EXT1: variants seen among roughly 807,000 people sequenced by gnomAD.
EXT1 encodes exostosin glycosyltransferase 1.
EXT1 carries 20 observed loss-of-function variants against 82.5 expected under a neutral mutation model. The observed-to-expected ratio is 0.24, with a 90% confidence interval of 0.17 to 0.35. EXT1 has a LOEUF of 0.35. Ranked by LOEUF, EXT1 falls within the 10% of genes least tolerant of loss-of-function variation. The probability of loss-of-function intolerance (pLI) is 1.00; values close to 1 mark genes in which losing one functional copy is unlikely to be tolerated. For missense variants in EXT1, 757 were observed against 936.5 expected (o/e 0.81, Z 2.50); for synonymous variants, 348 against 350.8 (o/e 0.99, Z 0.09).
intron 1 of EXT1, among the ~76,000 whole-genome samples, chr8:118,082,516 G>A (rs564429998): frequency 1.3e-4 from 20 of 151,932 alleles, no homozygotes; most frequent in South Asian, 6.2e-4. Flanking sequence ...ATACTAATAC[G>A]AATAAACCTC....
intron 1 of EXT1, among the ~76,000 whole-genome samples, chr8:118,108,546 A>G (rs1462193515): frequency 2.6e-5 from 4 of 152,258 alleles, no homozygotes; most frequent in Admixed American, 2.6e-4. Context: ...TTGCAACTGC[A>G]CATTCATACA....
intron 1 of EXT1, among the ~76,000 whole-genome samples, chr8:117,991,327 T>A (rs190715153): frequency 3.9e-5 from 6 of 152,180 alleles, no homozygotes. Flanking sequence ...CTGCAAGCAG[T>A]TGTGGTTTTC....
At chr8:117,955,531 G>A (rs1357780323) in intron 1 of EXT1, among the ~76,000 whole-genome samples, 1 of 152,010 alleles carries the variant, frequency 6.6e-6, no homozygotes, top group Non-Finnish European at 1.5e-5. Context: ...GAAATTACAA[G>A]GGTTTTAGCA....
intron 1 of EXT1, among the ~76,000 whole-genome samples, chr8:117,942,314 T>G (rs898038675): frequency 2.6e-5 from 4 of 152,194 alleles, no homozygotes; most frequent in Non-Finnish European, 5.9e-5. Context: ...CCTCTGGGTT[T>G]CTTCCTTATG....
At chr8:117,829,794 C>A (rs912951606) in intron 4 of EXT1, among the ~76,000 whole-genome samples, 4 of 151,980 alleles carry the variant, frequency 2.6e-5, no homozygotes, top group Admixed American at 1.3e-4. Flanking sequence ...AGGTCTTGAA[C>A]TCCTGAACTC....
chr8:118,064,337 C>A (rs902576923), intron 1 of EXT1, among the ~76,000 whole-genome samples: 1 of 152,096 alleles, frequency 6.6e-6, no homozygotes. Context: ...CTAGCTCCCA[C>A]CCCTTGACAG....
At chr8:117,906,981 T>C (rs1223955776) in intron 1 of EXT1, among the ~76,000 whole-genome samples, 1 of 152,258 alleles carries the variant, frequency 6.6e-6, no homozygotes, top group East Asian at 1.9e-4. Flanking sequence ...AAGGAACAGT[T>C]TGCTGTAGCA....
At chr8:117,865,261 G>A (rs758057806) in intron 1 of EXT1, among the ~76,000 whole-genome samples, 6 of 152,118 alleles carry the variant, frequency 3.9e-5, no homozygotes, top group African/African-American at 7.2e-5. Flanking sequence ...TTGACCTCCC[G>A]GTCTCAAGCA....
intron 1 of EXT1, among the ~76,000 whole-genome samples, chr8:118,050,220 T>C (rs1022377977): frequency 1.3e-5 from 2 of 152,140 alleles, no homozygotes; most frequent in Non-Finnish European, 2.9e-5. Context: ...GGACCTGAGG[T>C]AAGGCAATGA....
intron 2 of EXT1, among the ~76,000 whole-genome samples, chr8:117,836,473 G>A (rs572048842): frequency 6.6e-6 from 1 of 152,322 alleles, no homozygotes; most frequent in Admixed American, 6.5e-5. Context: ...AAGGGTCAAG[G>A]AATGGAGGAT....
At chr8:117,813,073 T>C (rs1254554721) in intron 7 of EXT1, 112 bp from the exon 8 acceptor site, 1 of 829,798 alleles carries the variant, frequency 1.2e-6, no homozygotes, top group African/African-American at 1.7e-5. Flanking sequence ...AATGCGCTAC[T>C]ATCATGTCAC....
intron 7 of EXT1, among the ~76,000 whole-genome samples, chr8:117,814,249 G>GTGTGTGTGTGTGTA (rs1310588609): frequency 3.9e-5 from 6 of 151,926 alleles, no homozygotes; most frequent in African/African-American, 1.4e-4. Flanking sequence ...GTGTGTGTGT[G>GTGTGTGTGTGTGTA]TGTGTGTGTG....
Position 117,962,074 on chromosome 8 carries a change from T to C in EXT1, c.963-124873A>G, listed in dbSNP as rs550114878. Among the ~76,000 whole-genome samples the C allele has an allele frequency of 4.6e-5, 7 of 152,308 alleles. No individual in the cohort carries two copies. In the East Asian group the frequency reaches 1.4e-3, roughly 29 times the overall value. On this transcript the variant is annotated intron_variant, in intron 1 of 10. Transcript: ENST00000378204. ...CCTTCTTTCCACTGCCTCAGATTTG[T>C]GCATTTAAACAATGCCACCTCAGTA...
chr8:117,953,611 C>T (rs1375223718), intron 1 of EXT1, among the ~76,000 whole-genome samples: 5 of 151,934 alleles, frequency 3.3e-5, no homozygotes, highest in Admixed American at 2.6e-4. Flanking sequence ...GTGAATGATG[C>T]CTCTGCTCCC....
At chr8:117,805,991 T>A (rs1823230808) in intron 9 of EXT1, among the ~76,000 whole-genome samples, 1 of 152,224 alleles carries the variant, frequency 6.6e-6, no homozygotes, top group Non-Finnish European at 1.5e-5. Context: ...GTTTTCCTCA[T>A]CTCTGTTGAT....
At chr8:117,826,454 T>C (rs984169798) in intron 4 of EXT1, among the ~76,000 whole-genome samples, 5 of 152,246 alleles carry the variant, frequency 3.3e-5, no homozygotes, top group Admixed American at 2.6e-4. Flanking sequence ...TTCTCGTGCC[T>C]TAGTAGCTCC....
At chr8:117,946,567 G>C (rs545073495) in intron 1 of EXT1, among the ~76,000 whole-genome samples, 1 of 152,308 alleles carries the variant, frequency 6.6e-6, no homozygotes, top group Admixed American at 6.5e-5. Flanking sequence ...ACCTACAGGA[G>C]CGGGCAGGCA....
At chr8:117,896,229 TATTTAAAGAC>T (rs1230634822) in intron 1 of EXT1, among the ~76,000 whole-genome samples, 110 of 152,364 alleles carry the variant, frequency 7.2e-4, no homozygotes, top group African/African-American at 2.5e-3. Flanking sequence ...GAAGAGTTTC[TATTTAAAGAC>T]AACTTGCACC....
chr8:118,104,324 T>C (rs907371308), intron 1 of EXT1, among the ~76,000 whole-genome samples: 3 of 152,252 alleles, frequency 2.0e-5, no homozygotes, highest in African/African-American at 7.2e-5. Context: ...ATCTGTTATC[T>C]GAAATGAATG....
Sources: allele counts gnomAD v4.1 joint callset (sites outside exome capture counted in the v4.1 genomes callset), GRCh38; gene constraint gnomAD v4.1.1; transcripts MANE v1.5; gene names NCBI Gene and HGNC (gene_info 2026-07-23, HGNC 2026-07-21).